RETREG3: variants seen among roughly 807,000 people sequenced by gnomAD.
RETREG3 encodes the protein reticulophagy regulator 3.
In RETREG3, 23 loss-of-function variants were observed where a neutral mutation model predicts 50.2. The observed-to-expected ratio is 0.46, with a 90% CI of 0.33 to 0.65. The LOEUF (loss-of-function observed/expected upper bound fraction) is 0.65, where lower values mean the gene tolerates loss of function less well. Among genes scored for constraint, RETREG3 ranks in the 30% least tolerant of loss-of-function variants. The pLI is 0.02. For missense variants in RETREG3, 546 were observed against 598.0 expected, an observed-to-expected ratio of 0.91 and a Z score of 0.91; for synonymous variants, 240 against 234.4, an observed-to-expected ratio of 1.02 and a Z score of -0.22.
intron 1 of RETREG3, 114 bp downstream of exon 1, chr17:42,608,972 C>T (rs2093173810): frequency 2.7e-6 from 3 of 1,095,034 alleles, no homozygotes; most frequent in Admixed American, 5.2e-5. Flanking sequence ...CAAAATTAGG[C>T]AAGTACAGGA....
intron 1 of RETREG3, among the ~76,000 whole-genome samples, chr17:42,597,788 C>G (rs1237043288): frequency 6.7e-6 from 1 of 149,636 alleles, no homozygotes; most frequent in African/African-American, 2.5e-5. Context: ...CGCCACTGCG[C>G]CCAGCTAATT....
chr17:42,589,549 C>G (rs940118187), intron 2 of RETREG3, among the ~76,000 whole-genome samples: 8 of 152,198 alleles, frequency 5.3e-5, no homozygotes, highest in African/African-American at 1.9e-4. Flanking sequence ...CTTCCCACTT[C>G]AGCCTCCCAA....
chr17:42,587,052 T>C (rs942453136), intron 3 of RETREG3, 161 bp from the exon 4 acceptor site: 4 of 972,690 alleles, frequency 4.1e-6, no homozygotes, highest in Non-Finnish European at 6.0e-6. Flanking sequence ...GCTCACCAGG[T>C]TGAAATCTGA....
At chr17:42,596,610 G>C (rs569153269) in intron 1 of RETREG3, 1 of 151,992 alleles carries the variant, frequency 6.6e-6, no homozygotes, top group East Asian at 1.9e-4. Flanking sequence ...TTTACCGCTT[G>C]ACTTCTAGGT....
chr17:42,594,827 G>A (rs1394480062), intron 1 of RETREG3, among the ~76,000 whole-genome samples: 1 of 151,946 alleles, frequency 6.6e-6, no homozygotes, highest in Non-Finnish European at 1.5e-5. Flanking sequence ...CTCCAGGCTG[G>A]GCGACAGAGT....
At chr17:42,592,275 T>C in intron 1 of RETREG3, 113 bp from the exon 2 acceptor site, 1 of 781,022 alleles carries the variant, frequency 1.3e-6, no homozygotes. Context: ...TCTAGCTTTT[T>C]TTGTTCTGAC....
At chr17:42,587,678 G>T in intron 3 of RETREG3, 156 bp downstream of exon 3, 1 of 819,636 alleles carries the variant, frequency 1.2e-6, no homozygotes, top group Non-Finnish European at 2.0e-6. Flanking sequence ...ACATATTGCT[G>T]CCTGAACTTT....
chr17:42,592,062 T>G lies in RETREG3; in HGVS notation c.340A>C (p.Ile114Leu), dbSNP rs1320504927. The G allele has an allele frequency of 6.2e-7, 1 of 1,612,274 alleles. No homozygotes were observed. The change falls in exon 2 of 9, where the codon ATA (isoleucine) becomes CTA (leucine). Residue 114 changes from isoleucine (I) to leucine (L), a missense_variant. Physicochemically the swap from Ile to Leu is conservative, Grantham distance 5. Transcript: ENST00000309428. The stretch of plus-strand genomic sequence containing the variant: ...TAAATGCTACCAAACTCACCTTTTA[T>G]TTCAGGCCAGATTTTGTTCTTCCAT... ...DQWKNKIWPE[I>L]KVPRPDALDN...
chr17:42,592,309 G>T, intron 1 of RETREG3, 147 bp from the exon 2 acceptor site: 1 of 604,986 alleles, frequency 1.7e-6, no homozygotes, highest in Middle Eastern at 2.6e-4. Flanking sequence ...TACACCTAGG[G>T]TAAATCATTT....
intron 4 of RETREG3, chr17:42,586,431 A>T (rs111334381): frequency 2.4e-4 from 100 of 420,934 alleles, no homozygotes; most frequent in African/African-American, 1.7e-3. Flanking sequence ...GTGGTTTTTT[A>T]AGTCAACAGA....
chr17:42,606,192 T>C (rs1013730048), intron 1 of RETREG3, among the ~76,000 whole-genome samples: 2 of 152,062 alleles, frequency 1.3e-5, no homozygotes, highest in Non-Finnish European at 2.9e-5. Context: ...TAAGTGAGCC[T>C]CTAAACATAG....
At chr17:42,603,465 G>A (rs1318119649) in intron 1 of RETREG3, among the ~76,000 whole-genome samples, 2 of 152,162 alleles carry the variant, frequency 1.3e-5, no homozygotes, top group African/African-American at 2.4e-5. Context: ...ATATCATGCA[G>A]TGACAGTTGT....
intron 2 of RETREG3, among the ~76,000 whole-genome samples, chr17:42,589,977 G>C (rs2093129273): frequency 6.6e-6 from 1 of 152,204 alleles, no homozygotes; most frequent in Non-Finnish European, 1.5e-5. Flanking sequence ...AAGGCACGCG[G>C]ATCACTTGAG....
chr17:42,597,822 G>C (rs2143412089), intron 1 of RETREG3, among the ~76,000 whole-genome samples: 1 of 150,530 alleles, frequency 6.6e-6, no homozygotes, highest in East Asian at 2.0e-4. Context: ...TAGAGACGGA[G>C]TTTCGTCTTG....
chr17:42,597,249 C>T (rs1269277018), intron 1 of RETREG3, among the ~76,000 whole-genome samples: 2 of 146,338 alleles, frequency 1.4e-5, no homozygotes, highest in East Asian at 2.0e-4. Flanking sequence ...AGTGCAGTGG[C>T]GTGATCTTGG....
intron 5 of RETREG3, 36 bp from the exon 6 acceptor site, chr17:42,585,298 G>A (rs199769566): frequency 1.2e-6 from 2 of 1,606,936 alleles, no homozygotes; most frequent in South Asian, 1.1e-5. Flanking sequence ...ACAAAATGGA[G>A]AAGGGGCTGC....
At position 42,593,119 on chromosome 17, in the gene RETREG3, CAAAG is replaced by C. The variant is rs2093136388; in HGVS notation, c.240-961_240-958del. ...GCCAGCATTATCCTGATACCAAAGCCAAAGACACAATAAAACTGTAGACCAATAT... is the reference window on the plus strand; with the variant it reads ...GCCAGCATTATCCTGATACCAAAGCCACACAATAAAACTGTAGACCAATAT... On this transcript the variant is annotated intron_variant, in intron 1 of 8. Coordinates refer to ENST00000309428, the MANE Select transcript of RETREG3 (RefSeq NM_178126.4). Among the ~76,000 whole-genome samples the C allele has an allele frequency of 3.3e-5, 5 of 152,184 alleles. No homozygotes were observed. The South Asian group carries it at 1.0e-3, about 32-fold the overall frequency.
In RETREG3 at chr17:42,583,564, G is replaced by A. The variant is rs2093114677; in HGVS notation, c.744C>T (p.Leu248=). Reference sequence around the variant, plus strand: ...GGTTGTCCATGGCTCGTTCTGGGTGGAGAGCTCTGCGGCGTACTGTGGGAA... The same window carrying A: ...GGTTGTCCATGGCTCGTTCTGGGTGAAGAGCTCTGCGGCGTACTGTGGGAA... The part of the protein sequence containing the change: ...QRERQLRRRA[L]HPERAMDNHS... The change falls in exon 7 of 9, where the codon CTC becomes CTT. Residue 248 remains leucine, a synonymous_variant. Coordinates refer to ENST00000309428, the MANE Select transcript of RETREG3 (RefSeq NM_178126.4). The A allele has an allele frequency of 7.4e-6, 12 of 1,613,620 alleles. No homozygotes were observed. Among genetic ancestry groups the A allele is most frequent in the African/African-American group, 1.3e-5 (1 of 74,906 alleles).
chr17:42,589,738 C>T (rs1352678520), intron 2 of RETREG3, among the ~76,000 whole-genome samples: 1 of 152,162 alleles, frequency 6.6e-6, no homozygotes, highest in African/African-American at 2.4e-5. Flanking sequence ...CTGGCCCCAA[C>T]TATTTATGTC....
Sources: allele counts gnomAD v4.1 joint callset (sites outside exome capture counted in the v4.1 genomes callset), GRCh38; gene constraint gnomAD v4.1.1; transcripts MANE v1.5; gene names NCBI Gene and HGNC (gene_info 2026-07-23, HGNC 2026-07-21).